Variants in SRGAP2B observed in about 807,000 individuals in gnomAD.
SRGAP2B encodes SLIT-ROBO Rho GTPase-activating protein 2B.
In SRGAP2B, 9 loss-of-function variants were observed where a neutral mutation model predicts 22.2. The ratio of observed to expected loss-of-function variants is 0.41; its 90% CI spans 0.24 to 0.71. SRGAP2B has a LOEUF of 0.71. Among genes scored for constraint, SRGAP2B ranks in the 30% least tolerant of loss-of-function variants. SRGAP2B has a pLI of 0.35. For synonymous variants in SRGAP2B, 36 were observed against 87.4 expected, an observed-to-expected ratio of 0.41 and a Z score of 3.28; for missense variants, 114 against 235.8, an observed-to-expected ratio of 0.48 and a Z score of 3.38.
chr1:145,084,914 C>T (rs1653268497), intron 2 of SRGAP2B, among the ~76,000 whole-genome samples: 2 of 150,974 alleles, frequency 1.3e-5, no homozygotes, highest in Non-Finnish European at 3.0e-5. Flanking sequence ...GGCCCTAGGA[C>T]TAGTTCAGGC....
At chr1:144,991,221 TC>T (rs1366564825) in intron 3 of SRGAP2B, among the ~76,000 whole-genome samples, 1 of 149,672 alleles carries the variant, frequency 6.7e-6, no homozygotes, top group Non-Finnish European at 1.5e-5. Flanking sequence ...CAATCGACAC[TC>T]TGTATCTAGC....
intron 4 of SRGAP2B, among the ~76,000 whole-genome samples, chr1:144,930,793 T>G (rs1168227620): frequency 1.3e-5 from 2 of 148,966 alleles, no homozygotes; most frequent in African/African-American, 5.1e-5. Flanking sequence ...TCTCCTTCTT[T>G]TCATTCCTCC....
intron 3 of SRGAP2B, among the ~76,000 whole-genome samples, chr1:144,984,396 A>G (rs377302760): frequency 6.8e-6 from 1 of 147,162 alleles, no homozygotes; most frequent in South Asian, 2.1e-4. Flanking sequence ...GCCCCTCTCT[A>G]TTTCTTTTAA....
At chr1:144,923,437 G>A (rs1664402812) in intron 4 of SRGAP2B, among the ~76,000 whole-genome samples, 1 of 150,304 alleles carries the variant, frequency 6.7e-6, no homozygotes, top group South Asian at 2.1e-4. Flanking sequence ...GACACTAAAA[G>A]CACAGAGTAG....
rs1669519667 is a variant in SRGAP2B at position 144,984,138 on chromosome 1, T to C, written c.260+10870A>G. Among the ~76,000 whole-genome samples, 3 of 150,450 alleles carry C rather than the reference T, an allele frequency of 2.0e-5. No homozygotes were observed. In the South Asian group the frequency reaches 6.2e-4, roughly 31 times the overall value. On this transcript the variant is annotated intron_variant, in intron 3 of 9. Transcript: ENST00000612199. ...GAGCTCAAGACCAACCTGACCAACA[T>C]GGAGAAGCCCCGTCTCTACTAAAAA...
rs1403082085 is a variant in SRGAP2B, at chr1:145,064,727, T to C, written c.67+28108A>G. ...ATAGAGCTTTTACTCTAACAGAAGA[T>C]ATCAGACTTATTGAGAACAGGAGAT... On this transcript the variant is annotated intron_variant, in intron 2 of 9. Coordinates refer to ENST00000612199, the Ensembl canonical transcript of SRGAP2B. Among the ~76,000 whole-genome samples, 12 of 150,656 alleles carry C rather than the reference T, an allele frequency of 8.0e-5. No individual in the cohort carries two copies. The East Asian group carries it at 1.6e-3, about 20-fold the overall frequency.
chr1:144,906,109 C>T (rs1182926079), intron 5 of SRGAP2B, 35 bp from the exon 6 acceptor site: 8 of 710,928 alleles, frequency 1.1e-5, no homozygotes, highest in Non-Finnish European at 2.6e-6. Context: ...CCCCAGAGGT[C>T]AAGCCAAGGG....
intron 3 of SRGAP2B, among the ~76,000 whole-genome samples, chr1:144,962,802 GTCT>G (rs1488249102): frequency 2.7e-5 from 4 of 149,436 alleles, no homozygotes; most frequent in Admixed American, 2.7e-4. Context: ...AGTCCCTGAT[GTCT>G]TCTTATTTCA....
At chr1:144,984,330 C>G (rs1177262120) in intron 3 of SRGAP2B, among the ~76,000 whole-genome samples, 1 of 106,150 alleles carries the variant, frequency 9.4e-6, no homozygotes, top group Non-Finnish European at 1.8e-5. Flanking sequence ...AAAAAAAAAC[C>G]CAAACAACAA....
chr1:145,013,871 A>G (rs1174812019), intron 2 of SRGAP2B, among the ~76,000 whole-genome samples: 1 of 150,496 alleles, frequency 6.6e-6, no homozygotes, highest in Non-Finnish European at 1.5e-5. Flanking sequence ...ATGAGCTAAT[A>G]AACATCATTA....
chr1:145,020,461 A>G (rs1241120555), intron 2 of SRGAP2B, among the ~76,000 whole-genome samples: 4 of 147,726 alleles, frequency 2.7e-5, no homozygotes, highest in Non-Finnish European at 4.4e-5. Context: ...AAGGTAGAAG[A>G]AGAAAGAAGA....
At chr1:144,932,295 C>A (rs1351742782) in intron 4 of SRGAP2B, among the ~76,000 whole-genome samples, 1 of 150,768 alleles carries the variant, frequency 6.6e-6, no homozygotes, top group Admixed American at 6.6e-5. Flanking sequence ...TTAACAAGAA[C>A]ATTCATTCTC....
At chr1:145,016,722 A>G (rs1346117292) in intron 2 of SRGAP2B, among the ~76,000 whole-genome samples, 1 of 133,054 alleles carries the variant, frequency 7.5e-6, no homozygotes, top group Non-Finnish European at 1.6e-5. Flanking sequence ...ACTTGCTTTG[A>G]TAGAACTTCT....
intron 5 of SRGAP2B, among the ~76,000 whole-genome samples, chr1:144,909,651 A>G (rs1276265191): frequency 2.0e-5 from 3 of 150,132 alleles, no homozygotes; most frequent in Admixed American, 2.0e-4. Context: ...ATTGTAGTGG[A>G]AGACTAGATG....
chr1:144,952,761 T>A lies in SRGAP2B; in HGVS notation c.423+2678A>T, dbSNP rs868956378. Among the ~76,000 whole-genome samples the A allele has an allele frequency of 5.1e-4, 77 of 150,750 alleles. 3 individuals carry two copies. The South Asian group carries it at 6.5e-3, about 13-fold the overall frequency. On this transcript the variant is annotated intron_variant, in intron 4 of 9. Transcript: ENST00000612199. ...CTCATGCAATACTCCCACCTCAGCA[T>A]CCCAAGTAGCTGTGGCTACAGGCAC... is the stretch of plus-strand genomic sequence containing the variant.
chr1:144,967,449 C>G lies in SRGAP2B; in HGVS notation c.261-11848G>C, dbSNP rs1260467926. On this transcript the variant is annotated intron_variant, in intron 3 of 9. Transcript: ENST00000612199. ...AGATGTTCTTTGAAACCAACGAGAA[C>G]AAAGACACAACATACCAGAATCTCT... 3.8e-3 allele frequency among the ~76,000 whole-genome samples: 492 copies of G among 130,014 alleles called. 7 individuals are homozygous for G. Among genetic ancestry groups the G allele is most frequent in the South Asian group, 0.033 (117 of 3,550 alleles). 85.3% of individuals were successfully genotyped at this position (130,014 alleles called of 152,430 possible).
chr1:144,931,292 G>A (rs781891112), intron 4 of SRGAP2B, among the ~76,000 whole-genome samples: 2 of 149,512 alleles, frequency 1.3e-5, no homozygotes, highest in Admixed American at 1.3e-4. Flanking sequence ...TTGTCCATGA[G>A]AACAACTATT....
intron 2 of SRGAP2B, among the ~76,000 whole-genome samples, chr1:145,007,805 T>C (rs1232653435): frequency 1.2e-4 from 16 of 135,848 alleles, no homozygotes; most frequent in South Asian, 2.4e-4. Context: ...TCTTCTTCTT[T>C]TTTTTTTTTT....
intron 2 of SRGAP2B, among the ~76,000 whole-genome samples, chr1:144,996,253 T>C (rs1485367010): frequency 4.0e-5 from 6 of 150,102 alleles, no homozygotes; most frequent in African/African-American, 1.5e-4. Flanking sequence ...GCTGAAGTTA[T>C]GTCCCAATCC....
Sources: gnomAD v4.1 joint callset for allele counts (sites outside exome capture counted in the v4.1 genomes callset) on GRCh38, gnomAD v4.1.1 for gene constraint, MANE v1.5 for transcripts, NCBI Gene and HGNC (gene_info 2026-07-23, HGNC 2026-07-21) for gene names.